The following MPPED2 variants were observed in gnomAD, a reference collection of about 807,000 sequenced individuals.
MPPED2 encodes metallophosphoesterase MPPED2.
In MPPED2, 5 loss-of-function variants were observed where a neutral mutation model predicts 33.0. The observed-to-expected ratio is 0.15, with a 90% CI of 0.08 to 0.32. The LOEUF is 0.32. MPPED2 is among the 10% of genes least tolerant of loss of function. The probability of loss-of-function intolerance (pLI) is 1.00; values close to 1 mark genes in which losing one functional copy is unlikely to be tolerated. For missense variants in MPPED2, 275 were observed against 372.1 expected (o/e 0.74, Z 2.15); for synonymous variants, 136 against 141.9 (o/e 0.96, Z 0.29).
At chr11:30,449,810 G>T (rs568101400) in intron 4 of MPPED2, among the ~76,000 whole-genome samples, 16 of 152,256 alleles carry the variant, frequency 1.1e-4, no homozygotes, top group Non-Finnish European at 2.2e-4. Context: ...CCAGCACCAA[G>T]ATAAGTCTGC....
chr11:30,386,571 T>C (rs889951632), exon 7 of MPPED2: 4 of 396,538 alleles, frequency 1.0e-5, no homozygotes, highest in Admixed American at 4.4e-5. Flanking sequence ...GATTCCTTTA[T>C]GGCAGCAAAA....
chr11:30,553,171 T>C (rs1378109844), intron 2 of MPPED2, among the ~76,000 whole-genome samples: 1 of 152,088 alleles, frequency 6.6e-6, no homozygotes, highest in African/African-American at 2.4e-5. Context: ...CACTGTTCCA[T>C]CACCACTCAA....
At chr11:30,561,303 C>T (rs968463714) in intron 2 of MPPED2, among the ~76,000 whole-genome samples, 8 of 152,116 alleles carry the variant, frequency 5.3e-5, no homozygotes, top group Admixed American at 3.9e-4. Context: ...ATTCCAGAGC[C>T]ACTGTTTTTA....
chr11:30,448,235 G>T (rs542866948), intron 4 of MPPED2, among the ~76,000 whole-genome samples: 8 of 152,192 alleles, frequency 5.3e-5, no homozygotes, highest in Non-Finnish European at 1.2e-4. Flanking sequence ...CAAACCCTAC[G>T]CATGTCATGC....
intron 3 of MPPED2, among the ~76,000 whole-genome samples, chr11:30,530,264 A>G (rs1447134090): frequency 1.3e-5 from 2 of 152,180 alleles, no homozygotes; most frequent in Non-Finnish European, 2.9e-5. Context: ...CACTATACAT[A>G]CATAATTTTA....
intron 3 of MPPED2, among the ~76,000 whole-genome samples, chr11:30,523,297 G>T (rs555051347): frequency 6.6e-6 from 1 of 152,230 alleles, no homozygotes; most frequent in East Asian, 1.9e-4. Context: ...CAATATACAG[G>T]CAGGCTGGGG....
At chr11:30,517,525 G>A (rs1953600446) in intron 3 of MPPED2, among the ~76,000 whole-genome samples, 1 of 152,158 alleles carries the variant, frequency 6.6e-6, no homozygotes, top group African/African-American at 2.4e-5. Context: ...TATATTTGAT[G>A]AACCAATCAC....
At position 30,541,881 on chromosome 11, in the gene MPPED2, G is replaced by A. The variant is rs374219495; in HGVS notation, c.129-5706C>T. On this transcript the variant is annotated intron_variant, in intron 2 of 6. Transcript: ENST00000358117. ...TGTTAGGAGTACAGGAGTGAGCCAC[G>A]GTGCCTGGCCCACTGACTTTATCTC... 9.2e-5 allele frequency among the ~76,000 whole-genome samples: 14 copies of A among 152,228 alleles called. No individual in the cohort carries two copies. The East Asian group carries it at 1.5e-3, about 17-fold the overall frequency.
chr11:30,392,923 G>C (rs912899224), intron 6 of MPPED2, among the ~76,000 whole-genome samples: 2 of 152,090 alleles, frequency 1.3e-5, no homozygotes, highest in African/African-American at 4.8e-5. Flanking sequence ...ACTTTATCCG[G>C]TATCTTGCCT....
intron 6 of MPPED2, among the ~76,000 whole-genome samples, chr11:30,395,082 T>C (rs980095068): frequency 6.6e-6 from 1 of 152,186 alleles, no homozygotes; most frequent in Admixed American, 6.5e-5. Context: ...ACCAGTACCA[T>C]AGTATCTTGA....
intron 3 of MPPED2, chr11:30,501,630 A>T (rs1415150434): frequency 1.0e-6 from 1 of 980,298 alleles, no homozygotes; most frequent in African/African-American, 1.7e-5. Context: ...TAGCATCCAG[A>T]CTGTTTCTCT....
At chr11:30,559,079 A>G (rs544168313) in intron 2 of MPPED2, among the ~76,000 whole-genome samples, 1 of 152,338 alleles carries the variant, frequency 6.6e-6, no homozygotes, top group Non-Finnish European at 1.5e-5. Flanking sequence ...ATTTGGAAAT[A>G]TTATCCAGAG....
intron 1 of MPPED2, among the ~76,000 whole-genome samples, chr11:30,582,244 C>G (rs78016792): frequency 0.012 from 1,759 of 152,056 alleles, 32 homozygotes; most frequent in African/African-American, 0.04. Context: ...AATTGCGTCG[C>G]GCTGAAAAGT....
intron 5 of MPPED2, 107 bp downstream of exon 5, chr11:30,417,411 C>CTTTT: frequency 1.1e-5 from 5 of 436,538 alleles, no homozygotes; most frequent in South Asian, 4.0e-5. Context: ...CTCGTATTCA[C>CTTTT]TTTTTTTTTT....
At chr11:30,522,776 G>A (rs1322769034) in intron 3 of MPPED2, among the ~76,000 whole-genome samples, 1 of 152,160 alleles carries the variant, frequency 6.6e-6, no homozygotes, top group Non-Finnish European at 1.5e-5. Context: ...GACTCCAAGT[G>A]AGAATGTGTG....
chr11:30,432,791 T>C (rs539011381), intron 4 of MPPED2, among the ~76,000 whole-genome samples: 2 of 152,330 alleles, frequency 1.3e-5, no homozygotes, highest in African/African-American at 4.8e-5. Context: ...GAAGCTAAAG[T>C]ACAGGTCCCC....
In MPPED2 at chr11:30,514,243, T is replaced by C. The variant is rs547181856; in HGVS notation, c.311-18722A>G. Among the ~76,000 whole-genome samples the C allele has an allele frequency of 5.3e-5, 8 of 152,116 alleles. No individual in the cohort carries two copies. In the South Asian group the frequency reaches 1.4e-3, roughly 28 times the overall value. On this transcript the variant is annotated intron_variant, in intron 3 of 6. Transcript: ENST00000358117. Reference sequence around the variant, plus strand: ...TTAAGGAGGTGCGGTCACCCAATCCTGGCCAGCGAAACATGAAGAAAAGTC... The same window carrying C: ...TTAAGGAGGTGCGGTCACCCAATCCCGGCCAGCGAAACATGAAGAAAAGTC...
At chr11:30,508,416 G>T (rs979220238) in intron 3 of MPPED2, among the ~76,000 whole-genome samples, 3 of 152,118 alleles carry the variant, frequency 2.0e-5, no homozygotes, top group Non-Finnish European at 1.5e-5. Context: ...CTCTGTCAAA[G>T]AGCAGATTTC....
chr11:30,423,257 T>A (rs558643658), intron 4 of MPPED2, among the ~76,000 whole-genome samples: 1 of 152,272 alleles, frequency 6.6e-6, no homozygotes, highest in East Asian at 1.9e-4. Flanking sequence ...TGGTGCCTGT[T>A]ATCCTCAGGT....
Sources: allele counts gnomAD v4.1 joint callset (sites outside exome capture counted in the v4.1 genomes callset), GRCh38; gene constraint gnomAD v4.1.1; transcripts MANE v1.5; gene names NCBI Gene and HGNC (gene_info 2026-07-23, HGNC 2026-07-21).